IGFL2: variants seen among roughly 807,000 people sequenced by gnomAD.
IGFL2 encodes the protein insulin growth factor-like family member 2.
IGFL2 carries 7 observed loss-of-function variants against 13.9 expected under a neutral mutation model. The ratio of observed to expected loss-of-function variants is 0.51; its 90% confidence interval spans 0.29 to 0.95. The LOEUF (loss-of-function observed/expected upper bound fraction) is 0.95. Among genes scored for constraint, IGFL2 ranks in the 40% least tolerant of loss-of-function variants. IGFL2 has a pLI of 0.08. For synonymous variants in IGFL2, 55 were observed against 55.8 expected (o/e 0.99, Z 0.07); for missense variants, 138 against 147.8 (o/e 0.93, Z 0.34).
At chr19:46,174,355 C>G in the IGFL2 span, among the ~76,000 whole-genome samples, 2 of 152,056 alleles carry the variant, frequency 1.3e-5, no homozygotes, top group African/African-American at 4.8e-5. Flanking sequence ...GTGGCTGGCT[C>G]TGGAGATCCA....
At chr19:46,171,904 G>A in the IGFL2 span, among the ~76,000 whole-genome samples, 67 of 152,074 alleles carry the variant, frequency 4.4e-4, no homozygotes, top group African/African-American at 1.6e-3. Flanking sequence ...TAAAATTGGT[G>A]CAAATAATAT....
At chr19:46,177,473 CAT>C in the IGFL2 span, among the ~76,000 whole-genome samples, 13 of 151,416 alleles carry the variant, frequency 8.6e-5, 1 homozygote, top group African/African-American at 2.7e-4. Flanking sequence ...TATATATATA[CAT>C]ATATATATAC....
chr19:46,123,314 A>G, the IGFL2 span, among the ~76,000 whole-genome samples: 1 of 150,964 alleles, frequency 6.6e-6, no homozygotes, highest in Admixed American at 6.6e-5. Flanking sequence ...CATCTTAAAA[A>G]TAGAAACAAA....
the IGFL2 span, chr19:46,206,700 T>C: frequency 1.3e-5 from 2 of 152,242 alleles, no homozygotes; most frequent in Non-Finnish European, 2.9e-5. Context: ...TTCTATTTCT[T>C]TTGATTCTAG....
chr19:46,113,651 G>A, the IGFL2 span: 238,312 of 241,150 alleles, frequency 0.99, 117,807 homozygotes, highest in Middle Eastern at 1. Flanking sequence ...ATGAAAACCA[G>A]CTTTACACCA....
the IGFL2 span, among the ~76,000 whole-genome samples, chr19:46,137,719 A>C: frequency 6.6e-6 from 1 of 152,188 alleles, no homozygotes; most frequent in African/African-American, 2.4e-5. Flanking sequence ...CTTCATTTTA[A>C]AAAATGCTTT....
chr19:46,154,836 G>A (rs1973725329), intron 1 of IGFL2, among the ~76,000 whole-genome samples: 1 of 152,018 alleles, frequency 6.6e-6, no homozygotes, highest in African/African-American at 2.4e-5. Flanking sequence ...TTTTTGTACG[G>A]TGTTCTTAGG....
the IGFL2 span, chr19:46,124,593 G>A: frequency 6.3e-7 from 1 of 1,587,448 alleles, no homozygotes; most frequent in Non-Finnish European, 8.6e-7. Flanking sequence ...GGAATGAGAT[G>A]AGATGATGTT....
At chr19:46,198,226 C>T in the IGFL2 span, 1 of 151,842 alleles carries the variant, frequency 6.6e-6, no homozygotes, top group Non-Finnish European at 1.5e-5. Flanking sequence ...CCTCCTGCCA[C>T]AGCCTCCCAA....
chr19:46,212,246 G>A, the IGFL2 span: 1 of 152,222 alleles, frequency 6.6e-6, no homozygotes, highest in Non-Finnish European at 1.5e-5. Context: ...TGCGTGCTGA[G>A]CACTCTGGTA....
downstream of IGFL2, among the ~76,000 whole-genome samples, chr19:46,161,782 G>A (rs1974184043): frequency 6.6e-6 from 1 of 152,186 alleles, no homozygotes; most frequent in Non-Finnish European, 1.5e-5. Context: ...TTACTAGTCT[G>A]TGTCTTTTAA....
At chr19:46,208,567 T>G in the IGFL2 span, 1 of 152,210 alleles carries the variant, frequency 6.6e-6, no homozygotes, top group African/African-American at 2.4e-5. Flanking sequence ...TGGCTCTGTC[T>G]TGCCACACAA....
the IGFL2 span, among the ~76,000 whole-genome samples, chr19:46,184,459 C>G: frequency 6.6e-6 from 1 of 152,104 alleles, no homozygotes; most frequent in East Asian, 1.9e-4. Flanking sequence ...TGATGTTCCC[C>G]TCCTTGTGTT....
At chr19:46,154,999 G>A (rs756194864) in intron 1 of IGFL2, among the ~76,000 whole-genome samples, 1 of 152,072 alleles carries the variant, frequency 6.6e-6, no homozygotes, top group African/African-American at 2.4e-5. Flanking sequence ...CTCCTGCAGC[G>A]ATGTCTTTCC....
chr19:46,161,189 A>T lies in IGFL2; in HGVS notation c.*101A>T, dbSNP rs142059339. The T allele has an allele frequency of 5.3e-3, 4,536 of 859,004 alleles. 25 individuals carry two copies. Among genetic ancestry groups the T allele is most frequent in the Non-Finnish European group, 5.9e-3 (3,141 of 534,596 alleles). 53.2% of individuals were successfully genotyped at this position (859,004 alleles called of 1,614,324 possible). On this transcript the variant is annotated 3_prime_UTR_variant, in exon 4 of 4. Coordinates refer to ENST00000377693, the MANE Select transcript of IGFL2 (RefSeq NM_001135113.2). ...AGAAGCCTGAGGAATTTACAAAATG[A>T]TGCAGCTCCAAGCCATTGTATGGCC...
chr19:46,113,266 A>G, the IGFL2 span: 1 of 224,204 alleles, frequency 4.5e-6, no homozygotes, highest in Non-Finnish European at 9.0e-6. Context: ...AGTACTCACT[A>G]TCACTCCTCC....
the IGFL2 span, among the ~76,000 whole-genome samples, chr19:46,086,220 T>C: frequency 2.0e-5 from 3 of 152,174 alleles, no homozygotes; most frequent in Non-Finnish European, 4.4e-5. Context: ...ATAGCCCGAA[T>C]TGTTTTTCTA....
the IGFL2 span, among the ~76,000 whole-genome samples, chr19:46,181,752 T>G: frequency 6.6e-6 from 1 of 152,214 alleles, no homozygotes; most frequent in African/African-American, 2.4e-5. Flanking sequence ...TTTGAGGAGT[T>G]TCTCTCTGTT....
At chr19:46,149,984 T>A (rs933213609) in intron 1 of IGFL2, among the ~76,000 whole-genome samples, 2 of 152,324 alleles carry the variant, frequency 1.3e-5, no homozygotes, top group Admixed American at 1.3e-4. Flanking sequence ...TCAATTACAT[T>A]CCCACCAGCA....
Sources: gnomAD v4.1 joint callset for allele counts (sites outside exome capture counted in the v4.1 genomes callset) on GRCh38, gnomAD v4.1.1 for gene constraint, MANE v1.5 for transcripts, NCBI Gene and HGNC (gene_info 2026-07-23, HGNC 2026-07-21) for gene names.